ADAMTS6: variants seen among roughly 807,000 people sequenced by gnomAD.
ADAMTS6 encodes the protein A disintegrin and metalloproteinase with thrombospondin motifs 6.
ADAMTS6 carries 23 observed loss-of-function variants against 144.3 expected under a neutral mutation model. The observed-to-expected ratio is 0.16, with a 90% CI of 0.11 to 0.23. The LOEUF (loss-of-function observed/expected upper bound fraction) is 0.23, where lower values mean the gene tolerates loss of function less well. Ranked by LOEUF, ADAMTS6 falls within the 10% of genes least tolerant of loss-of-function variation. ADAMTS6 has a pLI of 1.00. For missense variants in ADAMTS6, 999 were observed against 1,379.6 expected, an observed-to-expected ratio of 0.72 and a Z score of 4.37; for synonymous variants, 444 against 457.5, an observed-to-expected ratio of 0.97 and a Z score of 0.38.
chr5:65,224,971 G>A lies in ADAMTS6; in HGVS notation c.2144C>T (p.Thr715Ile), dbSNP rs1306114898. The change falls in exon 17 of 25, where the codon ACA (threonine) becomes ATA (isoleucine). Residue 715 changes from threonine to isoleucine, a missense_variant. Physicochemically the swap from Thr to Ile is moderately conservative, Grantham distance 89. Around this residue, in one of 3 missense-constraint regions of ADAMTS6, gnomAD observed 619 missense variants for 837.0 expected, o/e 0.74. Coordinates refer to ENST00000381055, the MANE Select transcript of ADAMTS6 (RefSeq NM_197941.4). ...RCRVCGGDGS[T>I]CDAIEGFFND... Reference sequence around the variant, plus strand: ...GAAGAACCCTTCAATGGCATCACATGTGCTTCCGTCCCCTCCACAGACTCG... The same window carrying A: ...GAAGAACCCTTCAATGGCATCACATATGCTTCCGTCCCCTCCACAGACTCG... 1.9e-6 allele frequency: 3 copies of A among 1,613,970 alleles called. No homozygotes were observed. The highest frequency in any genetic ancestry group is 2.7e-5 in the African/African-American group (2 of 74,916).
intron 11 of ADAMTS6, among the ~76,000 whole-genome samples, chr5:65,285,935 C>A (rs1468006594): frequency 6.6e-6 from 1 of 152,068 alleles, no homozygotes; most frequent in African/African-American, 2.4e-5. Context: ...AGACAGAAGG[C>A]CTGTCGGAAG....
intron 2 of ADAMTS6, among the ~76,000 whole-genome samples, chr5:65,472,309 T>C (rs1438225028): frequency 1.3e-5 from 2 of 152,152 alleles, no homozygotes; most frequent in African/African-American, 4.8e-5. Flanking sequence ...AAGTGACCAC[T>C]AAGAAGTATA....
At chr5:65,453,486 A>T (rs1319157123) in intron 4 of ADAMTS6, among the ~76,000 whole-genome samples, 5 of 152,232 alleles carry the variant, frequency 3.3e-5, no homozygotes, top group African/African-American at 4.8e-5. Flanking sequence ...ACAACTCTTT[A>T]TTCTGACAGA....
In ADAMTS6 at chr5:65,413,788, A is replaced by G. The variant is rs180875838; in HGVS notation, c.1073+37687T>C. Among the ~76,000 whole-genome samples, 4 of 152,286 alleles carry G rather than the reference A, an allele frequency of 2.6e-5. No homozygotes were observed. In the East Asian group the frequency reaches 5.8e-4, roughly 22 times the overall value. Reference sequence around the variant, plus strand: ...AGTGGTCACTGAAGATTGCTACTCTACTGGTGTTTTAGACTAAACTTACTC... The same window carrying G: ...AGTGGTCACTGAAGATTGCTACTCTGCTGGTGTTTTAGACTAAACTTACTC... On this transcript the variant is annotated intron_variant, in intron 7 of 24. Transcript: ENST00000381055.
chr5:65,247,866 A>G (rs182697589), intron 14 of ADAMTS6, among the ~76,000 whole-genome samples: 1 of 152,152 alleles, frequency 6.6e-6, no homozygotes, highest in Non-Finnish European at 1.5e-5. Context: ...CTGTTACACT[A>G]GATCAACCTT....
intron 8 of ADAMTS6, among the ~76,000 whole-genome samples, chr5:65,331,801 T>C (rs1226846876): frequency 6.6e-6 from 1 of 151,992 alleles, no homozygotes; most frequent in Non-Finnish European, 1.5e-5. Context: ...CTCAATTCTG[T>C]ACTGATAATA....
At chr5:65,261,931 T>A (rs997727572) in intron 13 of ADAMTS6, among the ~76,000 whole-genome samples, 7 of 147,362 alleles carry the variant, frequency 4.8e-5, no homozygotes, top group Non-Finnish European at 9.0e-5. Context: ...ATAGACCATC[T>A]TTTATTTCAG....
At chr5:65,320,554 C>CT (rs879889532) in intron 9 of ADAMTS6, among the ~76,000 whole-genome samples, 1,954 of 144,002 alleles carry the variant, frequency 0.014, 36 homozygotes, top group African/African-American at 0.046. Flanking sequence ...TATTTTCTCT[C>CT]TTTTTTTTTT....
intron 7 of ADAMTS6, among the ~76,000 whole-genome samples, chr5:65,343,077 T>C (rs189686436): frequency 2.0e-5 from 3 of 151,788 alleles, no homozygotes; most frequent in Admixed American, 6.5e-5. Flanking sequence ...AGATATCCCA[T>C]GGTTATGAAT....
chr5:65,452,080 G>T, intron 6 of ADAMTS6, 53 bp downstream of exon 6: 2 of 1,300,984 alleles, frequency 1.5e-6, no homozygotes, highest in Non-Finnish European at 2.1e-6. Flanking sequence ...TAATTCTATA[G>T]CTCTATAGCC....
intron 11 of ADAMTS6, among the ~76,000 whole-genome samples, chr5:65,290,930 G>C (rs1329895929): frequency 6.6e-6 from 1 of 152,000 alleles, no homozygotes; most frequent in Non-Finnish European, 1.5e-5. Flanking sequence ...CTATCAAGTA[G>C]GAATAAAAGT....
intron 9 of ADAMTS6, among the ~76,000 whole-genome samples, chr5:65,307,915 G>A (rs901427285): frequency 1.3e-5 from 2 of 152,120 alleles, no homozygotes. Flanking sequence ...TGACTTTGGG[G>A]TATTAAAGTC....
At position 65,259,526 on chromosome 5, in the gene ADAMTS6, A is replaced by G. The variant is rs1430748162; in HGVS notation, c.1830+1074T>C. 3.3e-5 allele frequency among the ~76,000 whole-genome samples: 5 copies of G among 152,238 alleles called. No homozygotes were observed. The East Asian group carries it at 9.6e-4, about 29-fold the overall frequency. On this transcript the variant is annotated intron_variant, in intron 14 of 24. Transcript: ENST00000381055. ...AAGTGAAGTAGTAAGCTGAAGACTTAGAATTGACTATTAGATTTAACAGCA... is the reference window on the plus strand; with the variant it reads ...AAGTGAAGTAGTAAGCTGAAGACTTGGAATTGACTATTAGATTTAACAGCA...
chr5:65,186,308 A>G (rs1022245006), intron 22 of ADAMTS6, among the ~76,000 whole-genome samples: 1 of 152,176 alleles, frequency 6.6e-6, no homozygotes, highest in Non-Finnish European at 1.5e-5. Flanking sequence ...TTATACATTT[A>G]TACCTCACAA....
At chr5:65,283,934 C>T (rs1030467524) in intron 11 of ADAMTS6, among the ~76,000 whole-genome samples, 1 of 151,866 alleles carries the variant, frequency 6.6e-6, no homozygotes, top group Non-Finnish European at 1.5e-5. Context: ...TTTTTGAGGC[C>T]AACATTTAGC....
At chr5:65,169,960 G>A (rs1280261811) in intron 24 of ADAMTS6, among the ~76,000 whole-genome samples, 13 of 151,318 alleles carry the variant, frequency 8.6e-5, no homozygotes, top group Non-Finnish European at 1.3e-4. Context: ...TGGGTGCAGC[G>A]CACCAGCATG....
intron 7 of ADAMTS6, among the ~76,000 whole-genome samples, chr5:65,378,555 A>T (rs1751758732): frequency 1.3e-5 from 2 of 152,112 alleles, no homozygotes; most frequent in African/African-American, 4.8e-5. Flanking sequence ...AAACTCCTCC[A>T]GTTTCATTTT....
Position 65,311,933 on chromosome 5 carries a change from T to G in ADAMTS6, c.1224-11802A>C, listed in dbSNP as rs143442006. On this transcript the variant is annotated intron_variant, in intron 9 of 24. Coordinates refer to ENST00000381055, the MANE Select transcript of ADAMTS6 (RefSeq NM_197941.4). Reference sequence around the variant, plus strand: ...GTCTAAGCAATCTTAATTTTTAAACTGAAGATAATCATGTTGCTAATATAT... The same window carrying G: ...GTCTAAGCAATCTTAATTTTTAAACGGAAGATAATCATGTTGCTAATATAT... 3.3e-5 allele frequency among the ~76,000 whole-genome samples: 5 copies of G among 152,210 alleles called. No individual in the cohort carries two copies. The East Asian group carries it at 9.6e-4, about 29-fold the overall frequency.
chr5:65,271,135 A>G (rs1762019055), intron 12 of ADAMTS6, among the ~76,000 whole-genome samples: 1 of 152,240 alleles, frequency 6.6e-6, no homozygotes, highest in East Asian at 1.9e-4. Flanking sequence ...CACACCTATA[A>G]TCCCAGCACT....
Sources: gnomAD v4.1 joint callset for allele counts (sites outside exome capture counted in the v4.1 genomes callset) on GRCh38, gnomAD v4.1.1 for gene constraint, gnomAD v4.1.1 regional missense constraint, MANE v1.5 for transcripts, NCBI Gene and HGNC (gene_info 2026-07-23, HGNC 2026-07-21) for gene names.